The following SGCD variants were observed in gnomAD, a reference collection of about 807,000 sequenced individuals.
SGCD encodes sarcoglycan delta.
A neutral mutation model predicts 36.6 loss-of-function variants in SGCD; 18 were observed. That is an observed-to-expected ratio of 0.49 (90% CI 0.34 to 0.73). The LOEUF is 0.73. Among genes scored for constraint, SGCD ranks in the 30% least tolerant of loss-of-function variants. The pLI is 0.01. For missense variants in SGCD, 387 were observed against 346.7 expected (o/e 1.12, Z -0.92); for synonymous variants, 133 against 130.6 (o/e 1.02, Z -0.12).
chr5:155,978,506 G>A (rs1376361863), intron 1 of SGCD, among the ~76,000 whole-genome samples: 1 of 152,274 alleles, frequency 6.6e-6, no homozygotes, highest in African/African-American at 2.4e-5. Flanking sequence ...CCTTTAGGCA[G>A]GAAAGATTAT....
rs114023338 is a variant in SGCD at position 156,453,239 on chromosome 5, G to A, written c.193-55362G>A. On this transcript the variant is annotated intron_variant, in intron 3 of 8. Transcript: ENST00000337851. ...ACATTTGAAGCACTGTCACATGGAA[G>A]AGGAAACAGGATTGACTTGTCCCGC... 9.6e-3 allele frequency among the ~76,000 whole-genome samples: 1,458 copies of A among 152,294 alleles called. 27 individuals carry two copies. The highest frequency in any genetic ancestry group is 0.033 in the African/African-American group (1,383 of 41,560).
intron 3 of SGCD, among the ~76,000 whole-genome samples, chr5:156,382,566 T>G (rs1771043963): frequency 6.6e-6 from 1 of 152,138 alleles, no homozygotes; most frequent in Non-Finnish European, 1.5e-5. Flanking sequence ...ATTATGGTTT[T>G]CAAGAGCTAT....
chr5:155,786,864 T>C, the SGCD span, among the ~76,000 whole-genome samples: 55 of 152,168 alleles, frequency 3.6e-4, no homozygotes, highest in Non-Finnish European at 7.2e-4. Flanking sequence ...GAAATTGCCT[T>C]GTTCAATGAT....
chr5:156,561,404 A>C (rs917118513), intron 4 of SGCD, among the ~76,000 whole-genome samples: 1 of 152,214 alleles, frequency 6.6e-6, no homozygotes, highest in African/African-American at 2.4e-5. Flanking sequence ...GTGGCTCTTC[A>C]TTTGAAAGAA....
At chr5:156,738,547 T>C (rs1026601074) in intron 7 of SGCD, 1 of 152,246 alleles carries the variant, frequency 6.6e-6, no homozygotes, top group Admixed American at 6.5e-5. Context: ...AGTTTTAGCA[T>C]GGAAGAAGAA....
chr5:156,107,463 G>T (rs1342214882), intron 1 of SGCD, among the ~76,000 whole-genome samples: 2 of 151,982 alleles, frequency 1.3e-5, no homozygotes, highest in Non-Finnish European at 1.5e-5. Flanking sequence ...TTATAATTCT[G>T]TTCCAATTCA....
intron 3 of SGCD, among the ~76,000 whole-genome samples, chr5:156,387,795 A>G (rs1002194458): frequency 2.0e-5 from 3 of 152,190 alleles, no homozygotes; most frequent in Admixed American, 6.5e-5. Flanking sequence ...AGAAGAAATG[A>G]GTATTGCCTT....
At chr5:155,917,512 A>G (rs900500298) in intron 1 of SGCD, among the ~76,000 whole-genome samples, 5 of 152,220 alleles carry the variant, frequency 3.3e-5, no homozygotes, top group African/African-American at 7.2e-5. Context: ...AGATTGACAA[A>G]TAAAGAATAT....
At chr5:156,663,179 A>C (rs1343476518) in intron 7 of SGCD, among the ~76,000 whole-genome samples, 2 of 148,268 alleles carry the variant, frequency 1.3e-5, no homozygotes, top group African/African-American at 2.6e-5. Flanking sequence ...ATTAAGAGGA[A>C]TTGAAGTAAT....
chr5:156,593,697 T>C (rs1394600752), intron 5 of SGCD, among the ~76,000 whole-genome samples: 2 of 152,194 alleles, frequency 1.3e-5, no homozygotes, highest in Non-Finnish European at 2.9e-5. Context: ...AGATGCCCTA[T>C]GGTTTTCCTT....
chr5:155,861,950 T>C, the SGCD span, among the ~76,000 whole-genome samples: 4 of 152,182 alleles, frequency 2.6e-5, no homozygotes, highest in Non-Finnish European at 5.9e-5. Context: ...TTTTATGTAC[T>C]AGCTGCTCTC....
chr5:156,472,722 C>T (rs902773450), intron 3 of SGCD, among the ~76,000 whole-genome samples: 8 of 152,076 alleles, frequency 5.3e-5, no homozygotes, highest in Non-Finnish European at 8.8e-5. Context: ...CATGCCCAGC[C>T]ATGATACAAA....
intron 1 of SGCD, among the ~76,000 whole-genome samples, chr5:156,043,947 G>T (rs954374557): frequency 1.3e-5 from 2 of 152,000 alleles, no homozygotes; most frequent in African/African-American, 4.8e-5. Context: ...GGAGAAAACC[G>T]AGAATTTTTT....
rs1344739773 is a variant in SGCD, at chr5:156,471,935, A to AT, written c.193-36661dup. ...GTATAATCAAGAATAAAAGACAGTG[A>AT]TTTTTAAAAGGGCAAAAGACTTAAA... is the stretch of plus-strand genomic sequence containing the variant. On this transcript the variant is annotated intron_variant, in intron 3 of 8. Coordinates refer to ENST00000337851, the MANE Select transcript of SGCD (RefSeq NM_000337.6). 1.3e-5 allele frequency among the ~76,000 whole-genome samples: 2 copies of AT among 152,156 alleles called. 1 individual carries two copies. The highest frequency in any genetic ancestry group is 4.8e-5 in the African/African-American group (2 of 41,416).
At chr5:156,369,806 A>G (rs1186861017) in intron 3 of SGCD, among the ~76,000 whole-genome samples, 2 of 152,180 alleles carry the variant, frequency 1.3e-5, no homozygotes, top group Non-Finnish European at 2.9e-5. Context: ...ATTAGAATGG[A>G]TTGATGTGGG....
chr5:156,607,758 C>A (rs1761544861), intron 6 of SGCD, among the ~76,000 whole-genome samples: 1 of 152,124 alleles, frequency 6.6e-6, no homozygotes, highest in Non-Finnish European at 1.5e-5. Flanking sequence ...TCAACTTCTT[C>A]CTGGTTTAGT....
chr5:156,557,073 T>C (rs1410258113), intron 4 of SGCD, among the ~76,000 whole-genome samples: 1 of 152,194 alleles, frequency 6.6e-6, no homozygotes, highest in Non-Finnish European at 1.5e-5. Flanking sequence ...TGATTTCCCT[T>C]TTTCCTAAGA....
intron 1 of SGCD, among the ~76,000 whole-genome samples, chr5:156,103,327 A>G (rs1467336121): frequency 2.1e-5 from 3 of 146,190 alleles, no homozygotes; most frequent in Non-Finnish European, 4.5e-5. Context: ...TCTACTGTGG[A>G]TGATGGTGAT....
intron 3 of SGCD, among the ~76,000 whole-genome samples, chr5:156,162,618 C>G (rs914992339): frequency 1.3e-5 from 2 of 151,582 alleles, no homozygotes; most frequent in African/African-American, 4.9e-5. Context: ...GCATTGTACT[C>G]ATCACCATTC....
Sources: gnomAD v4.1 joint callset for allele counts (sites outside exome capture counted in the v4.1 genomes callset) on GRCh38, gnomAD v4.1.1 for gene constraint, MANE v1.5 for transcripts, NCBI Gene and HGNC (gene_info 2026-07-23, HGNC 2026-07-21) for gene names.